CYB5B: variants seen among roughly 807,000 people sequenced by gnomAD.
CYB5B encodes cytochrome b5 type B (outer mitochondrial membrane).
A neutral mutation model predicts 21.3 loss-of-function variants in CYB5B; 14 were observed. That is an observed-to-expected ratio of 0.66 (90% confidence interval 0.43 to 1.03). The LOEUF (loss-of-function observed/expected upper bound fraction) is 1.03. Ranked by LOEUF, CYB5B falls within the 50% of genes least tolerant of loss-of-function variation. CYB5B has a pLI of 0.00. For missense variants in CYB5B, 166 were observed against 185.1 expected, an observed-to-expected ratio of 0.90 and a Z score of 0.60; for synonymous variants, 69 against 68.4, an observed-to-expected ratio of 1.01 and a Z score of -0.04.
chr16:69,447,550 C>T (rs533031923), intron 2 of CYB5B, among the ~76,000 whole-genome samples: 3 of 149,970 alleles, frequency 2.0e-5, no homozygotes, highest in South Asian at 2.1e-4. Flanking sequence ...GGCTGAGGCA[C>T]GAGAACTGCC....
At chr16:69,453,082 T>C (rs1459536726) in intron 3 of CYB5B, among the ~76,000 whole-genome samples, 1 of 152,230 alleles carries the variant, frequency 6.6e-6, no homozygotes, top group Non-Finnish European at 1.5e-5. Flanking sequence ...GACATTTGCT[T>C]TCGAAGGATT....
intron 1 of CYB5B, among the ~76,000 whole-genome samples, chr16:69,425,063 C>T (rs1291720936): frequency 6.6e-6 from 1 of 152,154 alleles, no homozygotes; most frequent in African/African-American, 2.4e-5. Context: ...GTTCTGGTGC[C>T]TTATGTAATA....
chr16:69,433,617 C>T (rs1487825720), intron 1 of CYB5B, among the ~76,000 whole-genome samples: 1 of 152,072 alleles, frequency 6.6e-6, no homozygotes, highest in African/African-American at 2.4e-5. Context: ...TTGGGTTTTT[C>T]AATATTTTGC....
chr16:69,452,657 G>A (rs1419199156), intron 3 of CYB5B, among the ~76,000 whole-genome samples: 2 of 151,682 alleles, frequency 1.3e-5, no homozygotes, highest in East Asian at 3.9e-4. Flanking sequence ...GTGACAGAAC[G>A]AGACCCTGTC....
chr16:69,448,127 C>A lies in CYB5B; in HGVS notation c.316C>A (p.Pro106Thr), dbSNP rs893640029. The change falls in exon 3 of 5, where the codon CCT (proline) becomes ACT (threonine). Residue 106 changes from proline (P) to threonine (T), a missense_variant. By Grantham distance (38) the Pro-to-Thr change is conservative. Coordinates refer to ENST00000307892, the MANE Select transcript of CYB5B (RefSeq NM_030579.3). ...IGDIHPSDLK[P>T]ESGSKDPSKN... is the part of the protein sequence containing the mutation. Reference sequence around the variant, plus strand: ...CTTTTTTTGACAGAGTGACCTTAAACCTGAAAGTGGTAGCAAGGTAAGAAG... The same window carrying A: ...CTTTTTTTGACAGAGTGACCTTAAAACTGAAAGTGGTAGCAAGGTAAGAAG... The A allele has an allele frequency of 3.1e-6, 5 of 1,612,704 alleles. No individual in the cohort carries two copies. The Admixed American group carries it at 8.4e-5, about 27-fold the overall frequency.
Position 69,437,870 on chromosome 16 carries a change from T to A in CYB5B, c.175-9280T>A, listed in dbSNP as rs2014777278. Among the ~76,000 whole-genome samples the A allele has an allele frequency of 2.0e-5, 3 of 152,248 alleles. No homozygotes were observed. The South Asian group carries it at 6.2e-4, about 31-fold the overall frequency. On this transcript the variant is annotated intron_variant, in intron 1 of 4. Transcript: ENST00000307892. ...CATATAAATGGAATCAAATAATATTTGTCATTTTGTATTTGGCTTCTTTCA... is the reference window on the plus strand; with the variant it reads ...CATATAAATGGAATCAAATAATATTAGTCATTTTGTATTTGGCTTCTTTCA...
intron 3 of CYB5B, among the ~76,000 whole-genome samples, chr16:69,451,942 C>CAAAAA (rs1214465929): frequency 1.1e-4 from 7 of 64,702 alleles, no homozygotes; most frequent in Non-Finnish European, 2.1e-4. Flanking sequence ...GACGCCGTCT[C>CAAAAA]AAAAAAAAAA....
intron 3 of CYB5B, chr16:69,449,731 T>C (rs2014913925): frequency 6.6e-6 from 1 of 152,228 alleles, no homozygotes; most frequent in African/African-American, 2.4e-5. Flanking sequence ...CTTTGGAATC[T>C]CTGGAGATAG....
chr16:69,443,096 CA>C (rs1185801077), intron 1 of CYB5B: 1 of 151,960 alleles, frequency 6.6e-6, no homozygotes, highest in African/African-American at 2.4e-5. Flanking sequence ...CCAGCATACC[CA>C]GCTAATTTTT....
chr16:69,437,591 CTT>C (rs1226055804), intron 1 of CYB5B, among the ~76,000 whole-genome samples: 1 of 152,040 alleles, frequency 6.6e-6, no homozygotes, highest in African/African-American at 2.4e-5. Context: ...TAACTTTACT[CTT>C]TCTTTTATTG....
At chr16:69,455,153 C>G (rs891794687) in intron 3 of CYB5B, among the ~76,000 whole-genome samples, 10 of 152,160 alleles carry the variant, frequency 6.6e-5, no homozygotes, top group Non-Finnish European at 4.4e-5. Context: ...CTCGGCCTCC[C>G]CAAGTGCTGG....
chr16:69,427,071 C>G lies in CYB5B; in HGVS notation c.174+2214C>G, dbSNP rs567243415. Among the ~76,000 whole-genome samples, 83 of 152,210 alleles carry G rather than the reference C, an allele frequency of 5.5e-4. No individual in the cohort carries two copies. In the Middle Eastern group the frequency reaches 0.014, roughly 25 times the overall value. ...TCTGGCCAACACGGCGAAACCTCGT[C>G]TCTACTAAAAATACAAAAATAAGCC... On this transcript the variant is annotated intron_variant, in intron 1 of 4. Coordinates refer to ENST00000307892, the MANE Select transcript of CYB5B (RefSeq NM_030579.3).
intron 3 of CYB5B, among the ~76,000 whole-genome samples, chr16:69,457,214 A>G (rs968161312): frequency 1.3e-5 from 2 of 152,076 alleles, no homozygotes; most frequent in African/African-American, 4.8e-5. Context: ...GTTGCTTATT[A>G]CCTTTTTCTA....
At chr16:69,452,786 A>G (rs1475117539) in intron 3 of CYB5B, among the ~76,000 whole-genome samples, 1 of 152,092 alleles carries the variant, frequency 6.6e-6, no homozygotes, top group African/African-American at 2.4e-5. Flanking sequence ...AGCTGGGTGG[A>G]TCACGAGGTC....
rs71385608 is a variant in CYB5B at position 69,452,997 on chromosome 16, C to CAA, written c.333+4866_333+4867dup. On this transcript the variant is annotated intron_variant, in intron 3 of 4. Coordinates refer to ENST00000307892, the MANE Select transcript of CYB5B (RefSeq NM_030579.3). ...CTGGTGAGAGAGCGAGACTCTGTCT[C>CAA]AAAAAAAAAAAAAAGATCTTTCTCA... 6.5e-3 allele frequency among the ~76,000 whole-genome samples: 862 copies of CAA among 133,238 alleles called. 7 individuals are homozygous for CAA. The highest frequency in any genetic ancestry group is 0.02 in the African/African-American group (687 of 34,126). The allele number at this position is 133,238 out of a possible 152,430, so 87.4% of individuals were successfully genotyped here.
In CYB5B at chr16:69,451,317, G is replaced by A. The variant is rs371388662; in HGVS notation, c.333+3173G>A. ...GCTCTCTGTGCCAGTTTGCCTGCCT[G>A]CTTGCCTGCTCTTTAGCAAGTAACC... On this transcript the variant is annotated intron_variant, in intron 3 of 4. Transcript: ENST00000307892. Among the ~76,000 whole-genome samples, 37 of 152,212 alleles carry A rather than the reference G, an allele frequency of 2.4e-4. No homozygotes were observed. The East Asian group carries it at 4.8e-3, about 20-fold the overall frequency.
Position 69,464,724 on chromosome 16 carries a change from G to A in CYB5B, c.*2204G>A, listed in dbSNP as rs118060426. On this transcript the variant is annotated 3_prime_UTR_variant, in exon 5 of 5. Coordinates refer to ENST00000307892, the MANE Select transcript of CYB5B (RefSeq NM_030579.3). ...TTTAAGGTAAATGCCAATGCAAAAG[G>A]TATGTTTTTCTACTTCACATTGGTT... The A allele has an allele frequency of 1.7e-4, 26 of 152,770 alleles. No homozygotes were observed. In the East Asian group the frequency reaches 4.6e-3, roughly 27 times the overall value. 9.5% of individuals were successfully genotyped at this position (152,770 alleles called of 1,614,324 possible).
chr16:69,426,766 G>C (rs1264072825), intron 1 of CYB5B, among the ~76,000 whole-genome samples: 1 of 148,502 alleles, frequency 6.7e-6, no homozygotes, highest in Non-Finnish European at 1.5e-5. Flanking sequence ...TTTTAACAGA[G>C]GTACAAGTAA....
chr16:69,434,790 G>T (rs959077255), intron 1 of CYB5B, among the ~76,000 whole-genome samples: 1 of 150,928 alleles, frequency 6.6e-6, no homozygotes, highest in Non-Finnish European at 1.5e-5. Flanking sequence ...TTGAACCCGG[G>T]AGGTGGAGGT....
Sources: gnomAD v4.1 joint callset for allele counts (sites outside exome capture counted in the v4.1 genomes callset) on GRCh38, gnomAD v4.1.1 for gene constraint, MANE v1.5 for transcripts, NCBI Gene and HGNC (gene_info 2026-07-23, HGNC 2026-07-21) for gene names.